The following SAMD4B variants were observed in gnomAD, a reference collection of about 807,000 sequenced individuals.
The protein encoded by SAMD4B is sterile alpha motif domain containing 4B.
SAMD4B carries 5 observed loss-of-function variants against 74.5 expected under a neutral mutation model. That is an observed-to-expected ratio of 0.07 (90% confidence interval 0.04 to 0.14). The LOEUF is 0.14. Ranked by LOEUF, SAMD4B falls within the 10% of genes least tolerant of loss-of-function variation. The pLI, the probability that SAMD4B is intolerant of heterozygous loss-of-function variation, is 1.00. For missense variants in SAMD4B, 608 were observed against 921.8 expected (o/e 0.66, Z 4.41); for synonymous variants, 373 against 374.9 (o/e 1.00, Z 0.06).
chr19:39,357,134 C>G lies in SAMD4B; in HGVS notation c.196+45C>G. ...GATGGGAGCACAGCAGGAGGGAGAC[C>G]TGGAACAGATGTCACATGGCTAAGA... On this transcript the variant is annotated intron_variant, in intron 3 of 13. Transcript: ENST00000610417. 2.6e-6 allele frequency: 4 copies of G among 1,514,576 alleles called. No individual in the cohort carries two copies. In the Admixed American group the frequency reaches 5.6e-5, roughly 21 times the overall value. 93.8% of individuals were successfully genotyped at this position (1,514,576 alleles called of 1,614,324 possible).
chr19:39,388,799 C>T (rs1474947598), downstream of SAMD4B: 1 of 1,614,180 alleles, frequency 6.2e-7, no homozygotes, highest in Non-Finnish European at 8.5e-7. Context: ...AACGCAGCTG[C>T]ACCACTCGTG....
Position 39,380,616 on chromosome 19 carries a change from T to A in SAMD4B, c.1679T>A (p.Ile560Lys), listed in dbSNP as rs756093469. The A allele has an allele frequency of 6.2e-7, 1 of 1,614,186 alleles. No homozygotes were observed. Among genetic ancestry groups the A allele is most frequent in the Non-Finnish European group, 8.5e-7 (1 of 1,180,014 alleles). ...GWAFGSNSLP[I>K]AGSVGMGVAR... ...GCATTCGGCTCCAACTCGCTCCCCA[T>A]AGCTGGCTCTGTGGGGATGGGAGTG... The change falls in exon 11 of 14, where the codon ATA becomes AAA. Residue 560 changes from isoleucine (I) to lysine (K), a missense_variant. Coordinates refer to ENST00000610417, the MANE Select transcript of SAMD4B (RefSeq NM_001384574.2).
intron 3 of SAMD4B, among the ~76,000 whole-genome samples, chr19:39,367,233 G>A (rs551588071): frequency 1.3e-5 from 2 of 152,258 alleles, no homozygotes; most frequent in Admixed American, 1.3e-4. Flanking sequence ...GCTCTGTCTG[G>A]TTAGAGCCAG....
downstream of SAMD4B, among the ~76,000 whole-genome samples, chr19:39,387,663 T>C (rs545927688): frequency 2.0e-5 from 3 of 152,340 alleles, no homozygotes; most frequent in African/African-American, 7.2e-5. Flanking sequence ...CTTTGAGCCA[T>C]AAGGGAAGAG....
Position 39,373,051 on chromosome 19 carries a change from G to A in SAMD4B, c.668-2599G>A, listed in dbSNP as rs73930728. On this transcript the variant is annotated intron_variant, in intron 4 of 13. Coordinates refer to ENST00000610417, the MANE Select transcript of SAMD4B (RefSeq NM_001384574.2). ...AGTATTGTCACAGCTGAGGGAAGAT[G>A]CTCTGGGGCCTGCACCAGGCTAGCC... is the stretch of plus-strand genomic sequence containing the variant. Among the ~76,000 whole-genome samples, 379 of 152,272 alleles carry A rather than the reference G, an allele frequency of 2.5e-3. 2 individuals are homozygous for A. The highest frequency in any genetic ancestry group is 8.8e-3 in the African/African-American group (365 of 41,556).
chr19:39,365,125 A>G (rs1409719505), intron 3 of SAMD4B, among the ~76,000 whole-genome samples: 2 of 151,702 alleles, frequency 1.3e-5, no homozygotes, highest in Non-Finnish European at 2.9e-5. Flanking sequence ...GGGCGTGTGT[A>G]GTCCCAGCTA....
chr19:39,374,140 G>A (rs1390960797), intron 4 of SAMD4B, among the ~76,000 whole-genome samples: 1 of 151,946 alleles, frequency 6.6e-6, no homozygotes, highest in Non-Finnish European at 1.5e-5. Context: ...GCATGGTGTT[G>A]GCCACCCGTA....
Position 39,342,508 on chromosome 19 carries a change from A to AG in SAMD4B, c.-330dup. 1 of 170,764 alleles carries AG rather than the reference A, an allele frequency of 5.9e-6. No individual in the cohort carries two copies. Among genetic ancestry groups the AG allele is most frequent in the Non-Finnish European group, 1.2e-5 (1 of 84,270 alleles). 10.6% of individuals were successfully genotyped at this position (170,764 alleles called of 1,614,324 possible). On this transcript the variant is annotated 5_prime_UTR_variant, in exon 1 of 14. Coordinates refer to ENST00000610417, the MANE Select transcript of SAMD4B (RefSeq NM_001384574.2). ...AGGGAGGGGAGCTTGCGGGCCCGAG[A>AG]GGGGGCGACGGCGGCGGCGGTGGCC...
chr19:39,379,895 A>G, intron 9 of SAMD4B, 71 bp from the exon 10 acceptor site: 5 of 1,283,792 alleles, frequency 3.9e-6, no homozygotes, highest in Middle Eastern at 1.9e-4. Context: ...GAACAAATGA[A>G]TGGAAGACTG....
In SAMD4B at chr19:39,380,768, G is replaced by A. The variant is rs2077923356; in HGVS notation, c.1831G>A (p.Gly611Arg). 1.9e-6 allele frequency: 3 copies of A among 1,563,358 alleles called. No individual in the cohort carries two copies. Among genetic ancestry groups the A allele is most frequent in the South Asian group, 2.4e-5 (2 of 83,786 alleles). Reference protein sequence around the residue: ...PRHALTSPSLGGQGRQNLWFA... With the variant: ...PRHALTSPSLRGQGRQNLWFA... ...ACATGCCCTCACCAGCCCCAGCCTT[G>A]GAGGCCAGGGCCGACAGGTAAGCTG... The change falls in exon 11 of 14, where the codon GGA becomes AGA. Residue 611 changes from glycine (G) to arginine (R), a missense_variant. By Grantham distance (125) the Gly-to-Arg change is moderately radical. This residue lies in a region of SAMD4B where 167 missense variants were observed against 193.0 expected (regional missense o/e 0.87). Transcript: ENST00000610417.
intron 2 of SAMD4B, among the ~76,000 whole-genome samples, chr19:39,354,584 G>A (rs1180519730): frequency 1.2e-5 from 1 of 83,926 alleles, no homozygotes; most frequent in East Asian, 2.6e-4. Context: ...TATGGCTTGC[G>A]TTTTGGTCAG....
At chr19:39,354,667 G>A (rs1034718753) in intron 2 of SAMD4B, among the ~76,000 whole-genome samples, 1 of 152,156 alleles carries the variant, frequency 6.6e-6, no homozygotes, top group African/African-American at 2.4e-5. Context: ...AATATAATTG[G>A]AGGAGTAACT....
chr19:39,388,390 A>T (rs754085663), downstream of SAMD4B: 2 of 1,614,114 alleles, frequency 1.2e-6, no homozygotes, highest in Non-Finnish European at 8.5e-7. Flanking sequence ...GAAGATGAAG[A>T]AGTAGTTTTC....
chr19:39,365,415 G>A (rs1243392365), intron 3 of SAMD4B, among the ~76,000 whole-genome samples: 4 of 152,066 alleles, frequency 2.6e-5, no homozygotes, highest in Admixed American at 1.3e-4. Context: ...TTAGCCAGGT[G>A]TGGTGGCGTG....
chr19:39,388,110 T>C (rs911973613), downstream of SAMD4B, among the ~76,000 whole-genome samples: 1 of 152,208 alleles, frequency 6.6e-6, no homozygotes, highest in African/African-American at 2.4e-5. Context: ...CACTGCACTC[T>C]GGCCTGGGCA....
chr19:39,347,136 G>C (rs1322793784), intron 1 of SAMD4B, among the ~76,000 whole-genome samples: 1 of 152,118 alleles, frequency 6.6e-6, no homozygotes, highest in African/African-American at 2.4e-5. Flanking sequence ...GCTGCATCCA[G>C]GTGTTCAAAT....
downstream of SAMD4B, chr19:39,389,975 T>G: frequency 9.0e-7 from 1 of 1,112,380 alleles, no homozygotes. The surrounding 1 kb of genome is among the most constrained non-coding windows in gnomAD (Gnocchi z 5.3). Context: ...GTAGGTACTG[T>G]GCTAGGCCCT....
In SAMD4B at chr19:39,356,937, A is replaced by G; in HGVS notation, c.44A>G (p.Lys15Arg). 6.2e-7 allele frequency: 1 copy of G among 1,613,642 alleles called. No homozygotes were observed. The highest frequency in any genetic ancestry group is 2.2e-5 in the East Asian group (1 of 44,858). Reference sequence around the variant, plus strand: ...GTGGGCATCCTCGCTGGCTGGTTCAAAGGCTGGAATGAGTGTGAGCAGACA... The same window carrying G: ...GTGGGCATCCTCGCTGGCTGGTTCAGAGGCTGGAATGAGTGTGAGCAGACA... ...DQVGILAGWFKGWNECEQTVA... is the reference protein window; with the variant it reads ...DQVGILAGWFRGWNECEQTVA... The change falls in exon 3 of 14, where the codon AAA becomes AGA. Residue 15 changes from lysine to arginine, a missense_variant. By Grantham distance (26) the Lys-to-Arg change is conservative. Coordinates refer to ENST00000610417, the MANE Select transcript of SAMD4B (RefSeq NM_001384574.2).
chr19:39,380,563 A>G (rs967903828), intron 10 of SAMD4B, 24 bp from the exon 11 acceptor site: 1 of 1,613,382 alleles, frequency 6.2e-7, no homozygotes, highest in Non-Finnish European at 8.5e-7. Context: ...GTAAATTAAC[A>G]CCCTGCCTTC....
Sources: allele counts gnomAD v4.1 joint callset (sites outside exome capture counted in the v4.1 genomes callset), GRCh38; gene constraint gnomAD v4.1.1; regional missense constraint gnomAD v4.1.1; non-coding constraint Gnocchi (gnomAD v3.1); transcripts MANE v1.5; gene names NCBI Gene and HGNC (gene_info 2026-07-23, HGNC 2026-07-21).